SLC22A25: variants seen among roughly 807,000 people sequenced by gnomAD.
The protein encoded by SLC22A25 is MGI:2442751, MGI:2385316, MGI:3042283, MGI:3645714, MGI:3605624, MGI:2442750.
In SLC22A25, 44 loss-of-function variants were observed where a neutral mutation model predicts 45.9. The observed-to-expected ratio is 0.96, with a 90% confidence interval of 0.75 to 1.23. The LOEUF is 1.23. Among genes scored for constraint, SLC22A25 ranks in the 50% most tolerant of loss-of-function variants. The pLI is 0.00. For synonymous variants in SLC22A25, 283 were observed against 238.6 expected, an observed-to-expected ratio of 1.19 and a Z score of -1.72; for missense variants, 800 against 666.4, an observed-to-expected ratio of 1.20 and a Z score of -2.21.
chr11:63,169,109 A>G (rs2087786929), intron 9 of SLC22A25, among the ~76,000 whole-genome samples: 1 of 152,180 alleles, frequency 6.6e-6, no homozygotes, highest in Non-Finnish European at 1.5e-5. Context: ...CTTTCCAGAC[A>G]AGTAAATGCT....
intron 5 of SLC22A25, among the ~76,000 whole-genome samples, chr11:63,223,959 T>TG (rs2089905461): frequency 6.6e-6 from 1 of 152,086 alleles, no homozygotes; most frequent in Non-Finnish European, 1.5e-5. Context: ...TATTCCAGTG[T>TG]GGTCAGAGAA....
chr11:63,173,478 G>A (rs998277893), intron 9 of SLC22A25, among the ~76,000 whole-genome samples: 1 of 152,048 alleles, frequency 6.6e-6, no homozygotes, highest in Non-Finnish European at 1.5e-5. Context: ...TGTTATGTCA[G>A]CATCCATTTT....
intron 7 of SLC22A25, among the ~76,000 whole-genome samples, chr11:63,213,316 G>T (rs1364105661): frequency 6.6e-6 from 1 of 152,202 alleles, no homozygotes; most frequent in East Asian, 1.9e-4. Context: ...CCAGCACTTG[G>T]GTTGCCAGAT....
intron 1 of SLC22A25, among the ~76,000 whole-genome samples, chr11:63,242,713 A>G (rs763857633): frequency 6.6e-6 from 1 of 152,180 alleles, no homozygotes; most frequent in Non-Finnish European, 1.5e-5. Context: ...CAATCTGATC[A>G]AGTTGACACT....
At chr11:63,204,539 C>CA (rs967006595) in intron 7 of SLC22A25, among the ~76,000 whole-genome samples, 60 of 151,962 alleles carry the variant, frequency 3.9e-4, no homozygotes, top group Admixed American at 1.2e-3. Context: ...GACTTTAAAC[C>CA]AAAAAAGATC....
rs573099395 is a variant in SLC22A25, at chr11:63,230,053, C to T, written c.-401G>A. Among the ~76,000 whole-genome samples, 12 of 152,266 alleles carry T rather than the reference C, an allele frequency of 7.9e-5. No homozygotes were observed. The highest frequency in any genetic ancestry group is 2.6e-4 in the Admixed American group (4 of 15,296). On this transcript the variant is annotated 5_prime_UTR_variant, in exon 4 of 12. Transcript: ENST00000306494. ...TACTTGGTATGCAGTCTTTCCAGAA[C>T]GTGTAATCTGTGGGACTCAAAGGCA...
chr11:63,217,933 T>C (rs1007154911), intron 5 of SLC22A25, 198 bp from the exon 6 acceptor site: 2 of 681,908 alleles, frequency 2.9e-6, no homozygotes, highest in Admixed American at 4.9e-5. Context: ...ATACTGAGTG[T>C]ATAAAAGTTT....
At chr11:63,183,648 A>G (rs2088409682) in intron 8 of SLC22A25, 46 bp downstream of exon 8, 4 of 1,609,838 alleles carry the variant, frequency 2.5e-6, no homozygotes, top group Non-Finnish European at 3.4e-6. Context: ...ATAGATGACA[A>G]TTTATGTCTT....
At chr11:63,194,673 A>G (rs978563299) in intron 7 of SLC22A25, among the ~76,000 whole-genome samples, 11 of 152,014 alleles carry the variant, frequency 7.2e-5, no homozygotes, top group Non-Finnish European at 8.8e-5. Context: ...CAAAATAATC[A>G]GCTAACATCA....
chr11:63,166,438 T>C, intron 9 of SLC22A25, 180 bp from the exon 10 acceptor site: 1 of 1,422,828 alleles, frequency 7.0e-7, no homozygotes. Context: ...GGTTAGATGA[T>C]AGTGGTAACA....
intron 8 of SLC22A25, 135 bp downstream of exon 8, chr11:63,183,559 G>T: frequency 9.0e-7 from 1 of 1,113,270 alleles, no homozygotes; most frequent in Non-Finnish European, 1.3e-6. Context: ...GACACCCATT[G>T]AGAATGATCG....
At chr11:63,231,256 C>A (rs2090062986) in intron 3 of SLC22A25, among the ~76,000 whole-genome samples, 1 of 152,214 alleles carries the variant, frequency 6.6e-6, no homozygotes, top group African/African-American at 2.4e-5. Flanking sequence ...AACTAGTTTA[C>A]AGTCCCACCA....
intron 7 of SLC22A25, among the ~76,000 whole-genome samples, chr11:63,198,831 G>A (rs1278389489): frequency 8.5e-5 from 13 of 152,116 alleles, no homozygotes; most frequent in Non-Finnish European, 2.9e-5. Flanking sequence ...AATTATGGCA[G>A]AAATCAAGAA....
chr11:63,210,789 G>A (rs2089537713), intron 7 of SLC22A25, among the ~76,000 whole-genome samples: 1 of 152,118 alleles, frequency 6.6e-6, no homozygotes, highest in African/African-American at 2.4e-5. Flanking sequence ...AGGGGCTACT[G>A]GGGCCAAAGA....
intron 7 of SLC22A25, among the ~76,000 whole-genome samples, chr11:63,203,258 G>T (rs2089301605): frequency 6.6e-6 from 1 of 151,928 alleles, no homozygotes; most frequent in Admixed American, 6.6e-5. Context: ...TTCTCCAAAG[G>T]ATCACAACTC....
At chr11:63,189,925 G>C (rs1291684223) in intron 7 of SLC22A25, among the ~76,000 whole-genome samples, 1 of 152,206 alleles carries the variant, frequency 6.6e-6, no homozygotes, top group Non-Finnish European at 1.5e-5. Context: ...CTGTTAGTCT[G>C]ATGGGCTTCC....
rs2088942689 is a variant in SLC22A25, at chr11:63,194,734, G to A, written c.831-10917C>T. On this transcript the variant is annotated intron_variant, in intron 7 of 11. Transcript: ENST00000306494. The stretch of plus-strand genomic sequence containing the variant: ...AACAATATTAGCTTTAAATGTAAAT[G>A]CACTAAATGCCCCAGTTAAAAGACA... Among the ~76,000 whole-genome samples the A allele has an allele frequency of 2.6e-5, 4 of 151,640 alleles. No individual in the cohort carries two copies. The South Asian group carries it at 6.3e-4, about 24-fold the overall frequency.
rs1329329663 is a variant in SLC22A25, at chr11:63,239,105, T to C, written c.-965A>G. On this transcript the variant is annotated 5_prime_UTR_variant, in exon 2 of 12. Coordinates refer to ENST00000306494, the MANE Select transcript of SLC22A25 (RefSeq NM_199352.6). ...GCCACCAACTTGATCCAAGAAGTCC[T>C]GAAATACCATTGAGGCTGAAGAGAT... 1 of 168,450 alleles carries C rather than the reference T, an allele frequency of 5.9e-6. No homozygotes were observed. Among genetic ancestry groups the C allele is most frequent in the African/African-American group, 2.4e-5 (1 of 42,464 alleles). The allele number at this position is 168,450 out of a possible 1,614,324, so 10.4% of individuals were successfully genotyped here.
At chr11:63,236,440 G>A (rs902476968) in intron 3 of SLC22A25, among the ~76,000 whole-genome samples, 11 of 152,202 alleles carry the variant, frequency 7.2e-5, no homozygotes, top group African/African-American at 2.7e-4. Context: ...GAACCTCCAA[G>A]CCATGTGTGG....
Sources: gnomAD v4.1 joint callset for allele counts (sites outside exome capture counted in the v4.1 genomes callset) on GRCh38, gnomAD v4.1.1 for gene constraint, MANE v1.5 for transcripts, NCBI Gene and HGNC (gene_info 2026-07-23, HGNC 2026-07-21) for gene names.